The following POGLUT1 variants were observed in gnomAD, a reference collection of about 807,000 sequenced individuals.
The protein encoded by POGLUT1 is protein O-glucosyltransferase 1.
In POGLUT1, 32 loss-of-function variants were observed where a neutral mutation model predicts 61.3. The ratio of observed to expected loss-of-function variants is 0.52; its 90% CI spans 0.39 to 0.70. The LOEUF is 0.70. Ranked by LOEUF, POGLUT1 falls within the 30% of genes least tolerant of loss-of-function variation. The probability of loss-of-function intolerance (pLI) is 0.00; values close to 1 mark genes in which losing one functional copy is unlikely to be tolerated. For synonymous variants in POGLUT1, 158 were observed against 158.2 expected (o/e 1.00, Z 0.01); for missense variants, 411 against 469.8 (o/e 0.87, Z 1.16).
intron 2 of POGLUT1, 106 bp from the exon 3 acceptor site, chr3:119,471,203 C>A: frequency 1.1e-6 from 1 of 945,562 alleles, no homozygotes; most frequent in Non-Finnish European, 1.7e-6. Flanking sequence ...TTCTTTCCTT[C>A]CACTTACTGT....
intron 8 of POGLUT1, chr3:119,490,179 T>A (rs4687861): frequency 0.7 from 119,083 of 170,416 alleles, 42,269 homozygotes; most frequent in African/African-American, 0.81. Flanking sequence ...TTCACTCGTT[T>A]TATTTTATGT....
intron 7 of POGLUT1, chr3:119,488,304 T>A (rs1360330805): frequency 6.6e-6 from 1 of 152,126 alleles, no homozygotes; most frequent in African/African-American, 2.4e-5. Context: ...GGAATGTACC[T>A]GGGGATGTCA....
chr3:119,480,189 G>A lies in POGLUT1; in HGVS notation c.578+17G>A, dbSNP rs765082688. 7 of 1,521,706 alleles carry A rather than the reference G, an allele frequency of 4.6e-6. No individual in the cohort carries two copies. The highest frequency in any genetic ancestry group is 3.5e-4 in the Middle Eastern group (2 of 5,692). 94.3% of individuals were successfully genotyped at this position (1,521,706 alleles called of 1,614,324 possible). A position where few individuals can be genotyped will look rare whatever the true frequency, so the allele number is the denominator to read the frequency against. ...TCTGGTAAGGTAGGTCCTTTAAAGA[G>A]GTTTTATTTTTTCTCTTTCTGGGTT... On this transcript the variant is annotated intron_variant, in intron 5 of 10. Coordinates refer to ENST00000295588, the MANE Select transcript of POGLUT1 (RefSeq NM_152305.3).
At position 119,494,462 on chromosome 3, in the gene POGLUT1, A is replaced by G. The variant is rs2107722097; in HGVS notation, c.*2024A>G. 1 of 152,776 alleles carries G rather than the reference A, an allele frequency of 6.5e-6. No individual in the cohort carries two copies. Among genetic ancestry groups the G allele is most frequent in the South Asian group, 2.1e-4 (1 of 4,824 alleles). The allele number at this position is 152,776 out of a possible 1,614,324, so 9.5% of individuals were successfully genotyped here. On this transcript the variant is annotated 3_prime_UTR_variant, in exon 11 of 11. Coordinates refer to ENST00000295588, the MANE Select transcript of POGLUT1 (RefSeq NM_152305.3). ...GCATCTTTGTCTTTAAATACAGCAA[A>G]TGTTATTCAGATTTTGTACTTGTCT...
In POGLUT1 at chr3:119,486,838, G is replaced by C; in HGVS notation, c.644G>C (p.Ser215Thr). ...STAYFRGSRT[S>T]PERDPLILLS... Reference sequence around the variant, plus strand: ...GTCACGTGTTTCTTTTATAGGACAAGTCCAGAACGAGATCCTCTCATTCTT... The same window carrying C: ...GTCACGTGTTTCTTTTATAGGACAACTCCAGAACGAGATCCTCTCATTCTT... Residue 215 changes from serine (S) to threonine (T), a missense_variant, in exon 7 of 11, where the codon AGT (serine) becomes ACT (threonine). By Grantham distance (58) the Ser-to-Thr change is moderately conservative. Coordinates refer to ENST00000295588, the MANE Select transcript of POGLUT1 (RefSeq NM_152305.3). 6.2e-7 allele frequency: 1 copy of C among 1,608,154 alleles called. No individual in the cohort carries two copies. Among genetic ancestry groups the C allele is most frequent in the South Asian group, 1.1e-5 (1 of 90,964 alleles).
chr3:119,469,229 A>C (rs765123688), intron 1 of POGLUT1, 123 bp downstream of exon 1: 33 of 761,354 alleles, frequency 4.3e-5, no homozygotes, highest in Non-Finnish European at 5.9e-5. Context: ...GGAGCTGGGC[A>C]GAAGGCACCG....
In POGLUT1 at chr3:119,492,321, C is replaced by T. The variant is rs1291883465; in HGVS notation, c.1062C>T (p.Asp354=). Residue 354 remains aspartate (D), a synonymous_variant, in exon 11 of 11, where the codon GAC becomes GAT. Transcript: ENST00000295588. ...QFIRNHLQMD[D]ITCYWENLLS... ...TTAGGAACCATTTGCAGATGGATGA[C>T]ATCACCTGTTACTGGGAGAACCTCT... 16 of 1,610,094 alleles carry T rather than the reference C, an allele frequency of 9.9e-6. No individual in the cohort carries two copies. The African/African-American group carries it at 1.3e-4, about 13-fold the overall frequency.
chr3:119,490,321 C>T, intron 8 of POGLUT1: 1 of 528,280 alleles, frequency 1.9e-6, no homozygotes. Context: ...AAAATATCCC[C>T]TATTTTTCCT....
chr3:119,473,065 A>G (rs2081494690), intron 3 of POGLUT1, among the ~76,000 whole-genome samples: 1 of 152,240 alleles, frequency 6.6e-6, no homozygotes, highest in Non-Finnish European at 1.5e-5. Context: ...ACAATAAAAA[A>G]GAAAGATTAT....
intron 3 of POGLUT1, 102 bp downstream of exon 3, chr3:119,471,554 C>T (rs945691514): frequency 2.9e-6 from 3 of 1,037,484 alleles, no homozygotes; most frequent in Middle Eastern, 2.2e-4. Context: ...GCAGATCCCT[C>T]CTCACATTTC....
chr3:119,483,088 CAT>C (rs1233276913), intron 5 of POGLUT1, among the ~76,000 whole-genome samples: 1 of 152,172 alleles, frequency 6.6e-6, no homozygotes. Context: ...TAAATTGATA[CAT>C]GTTTTGTTAG....
chr3:119,469,145 G>A (rs1205873352), intron 1 of POGLUT1, 39 bp downstream of exon 1: 4 of 1,506,000 alleles, frequency 2.7e-6, no homozygotes, highest in South Asian at 1.2e-5. Context: ...CCTTGGGCTC[G>A]GGGTCTGGCC....
intron 9 of POGLUT1, 111 bp from the exon 10 acceptor site, chr3:119,491,407 C>T: frequency 2.1e-6 from 1 of 470,842 alleles, no homozygotes; most frequent in South Asian, 4.4e-5. Flanking sequence ...GGAAATAATC[C>T]ACCATCCACA....
chr3:119,474,421 C>T (rs974055842), intron 3 of POGLUT1, among the ~76,000 whole-genome samples: 2 of 152,162 alleles, frequency 1.3e-5, no homozygotes, highest in East Asian at 1.9e-4. Flanking sequence ...CTCTCTCCTG[C>T]GTCTCCCTGT....
chr3:119,479,665 C>T (rs1012608904), intron 4 of POGLUT1, among the ~76,000 whole-genome samples: 2 of 152,074 alleles, frequency 1.3e-5, no homozygotes, highest in Non-Finnish European at 2.9e-5. Flanking sequence ...TGGGAAATAA[C>T]CAAAAACTGG....
intron 2 of POGLUT1, among the ~76,000 whole-genome samples, 166 bp from the exon 3 acceptor site, chr3:119,471,143 C>CA (rs780917888): frequency 2.0e-5 from 3 of 152,230 alleles, no homozygotes; most frequent in Non-Finnish European, 4.4e-5. Flanking sequence ...TTTGATGTTT[C>CA]AGATTACCTA....
At position 119,480,157 on chromosome 3, in the gene POGLUT1, GAGA is replaced by G. The variant is rs1444532474; in HGVS notation, c.567_569del (p.Glu189del). On this transcript the variant is annotated inframe_deletion, in exon 5 of 11. Transcript: ENST00000295588. ...GGTCTTGGACGGTGGGACCTCTTCA[GAGA>G]AGATCTGGTAAGGTAGGTCCTTTAA... 6.3e-7 allele frequency: 1 copy of G among 1,588,002 alleles called. No homozygotes were observed. The highest frequency in any genetic ancestry group is 8.5e-7 in the Non-Finnish European group (1 of 1,169,796).
At position 119,493,803 on chromosome 3, in the gene POGLUT1, A is replaced by ATTTTTTTTTTTTT. The variant is rs58233822; in HGVS notation, c.*1374_*1386dup. The ATTTTTTTTTTTTT allele has an allele frequency of 9.2e-5, 11 of 119,894 alleles. No individual in the cohort carries two copies. Among genetic ancestry groups the ATTTTTTTTTTTTT allele is most frequent in the African/African-American group, 3.8e-4 (11 of 29,282 alleles). The allele number at this position is 119,894 out of a possible 1,614,324, so 7.4% of individuals were successfully genotyped here. ...GGAATAAGCAGATGTTTAAAGTTGG[A>ATTTTTTTTTTTTT]TTTTTTTTTTTTTTTTTTTTTGAGT... On this transcript the variant is annotated 3_prime_UTR_variant, in exon 11 of 11. Transcript: ENST00000295588.
chr3:119,471,711 A>T (rs2081476288), intron 3 of POGLUT1: 1 of 435,990 alleles, frequency 2.3e-6, no homozygotes, highest in African/African-American at 2.0e-5. Context: ...CTTCCCTGGG[A>T]TATAGTAGCG....
Sources: gnomAD v4.1 joint callset for allele counts (sites outside exome capture counted in the v4.1 genomes callset) on GRCh38, gnomAD v4.1.1 for gene constraint, MANE v1.5 for transcripts, NCBI Gene and HGNC (gene_info 2026-07-23, HGNC 2026-07-21) for gene names.